Variants in TNNI3K observed in about 807,000 individuals in gnomAD.
TNNI3K encodes the protein serine/threonine-protein kinase TNNI3K.
A neutral mutation model predicts 114.5 loss-of-function variants in TNNI3K; 140 were observed. The observed-to-expected ratio is 1.22, with a 90% CI of 1.07 to 1.41. The LOEUF (loss-of-function observed/expected upper bound fraction) is 1.41. Among genes scored for constraint, TNNI3K ranks in the 40% most tolerant of loss-of-function variants. The pLI, the probability that TNNI3K is intolerant of heterozygous loss-of-function variation, is 0.00. For synonymous variants in TNNI3K, 347 were observed against 347.5 expected, an observed-to-expected ratio of 1.00 and a Z score of 0.02; for missense variants, 1,125 against 1,007.6, an observed-to-expected ratio of 1.12 and a Z score of -1.58.
chr1:74,249,618 G>A lies in TNNI3K; in HGVS notation c.235+74G>A, dbSNP rs940257015. 3 of 1,412,742 alleles carry A rather than the reference G, an allele frequency of 2.1e-6. No homozygotes were observed. In the African/African-American group the frequency reaches 4.3e-5, roughly 20 times the overall value. 87.5% of individuals were successfully genotyped at this position (1,412,742 alleles called of 1,614,324 possible). A position where few individuals can be genotyped will look rare whatever the true frequency, so the allele number is the denominator to read the frequency against. ...CGTCAGTGACTTGAGCTGCTTAATA[G>A]TCTGCAAAAGAATTCTATTCATACT... On this transcript the variant is annotated intron_variant, in intron 3 of 24. Coordinates refer to ENST00000326637, the MANE Select transcript of TNNI3K (RefSeq NM_015978.3).
At chr1:74,399,782 G>A (rs1664270213) in intron 17 of TNNI3K, among the ~76,000 whole-genome samples, 1 of 152,196 alleles carries the variant, frequency 6.6e-6, no homozygotes, top group African/African-American at 2.4e-5. Flanking sequence ...CCAAGAGTGA[G>A]AGGGTTCACA....
chr1:74,503,937 T>C (rs771707723), intron 23 of TNNI3K, among the ~76,000 whole-genome samples: 12 of 152,172 alleles, frequency 7.9e-5, no homozygotes, highest in Non-Finnish European at 1.5e-4. Flanking sequence ...CCATCTTATA[T>C]AGATGGGAAA....
intron 21 of TNNI3K, among the ~76,000 whole-genome samples, chr1:74,464,417 G>T (rs1034328079): frequency 2.2e-4 from 33 of 152,294 alleles, no homozygotes; most frequent in African/African-American, 7.7e-4. Flanking sequence ...CATATGTAAA[G>T]ACCTAATGGT....
chr1:74,478,084 G>T (rs1668293735), intron 21 of TNNI3K, among the ~76,000 whole-genome samples: 1 of 152,102 alleles, frequency 6.6e-6, no homozygotes, highest in African/African-American at 2.4e-5. Flanking sequence ...GAAGAAAATG[G>T]TCTCATAGGC....
chr1:74,473,985 AC>A (rs1668063268), intron 21 of TNNI3K, among the ~76,000 whole-genome samples: 1 of 152,104 alleles, frequency 6.6e-6, no homozygotes, highest in African/African-American at 2.4e-5. Flanking sequence ...AGCAGATGTG[AC>A]CTTGGCTGTT....
intron 17 of TNNI3K, among the ~76,000 whole-genome samples, chr1:74,391,880 G>A (rs1292850981): frequency 6.6e-6 from 1 of 151,302 alleles, no homozygotes. Context: ...TTATCACTAT[G>A]CTGAATGTAC....
chr1:74,387,661 C>A (rs563353538), intron 17 of TNNI3K, among the ~76,000 whole-genome samples: 1 of 152,164 alleles, frequency 6.6e-6, no homozygotes, highest in Non-Finnish European at 1.5e-5. Flanking sequence ...TAAAAGAGAA[C>A]CTGTAACCAA....
chr1:74,292,788 T>C (rs542867455), intron 5 of TNNI3K, among the ~76,000 whole-genome samples: 10 of 151,750 alleles, frequency 6.6e-5, no homozygotes, highest in Admixed American at 1.3e-4. Context: ...GTGTTAAAAA[T>C]TTTTCACCAT....
At chr1:74,418,156 C>A (rs1259686342) in intron 17 of TNNI3K, 2 of 452,136 alleles carry the variant, frequency 4.4e-6, no homozygotes, top group Non-Finnish European at 8.9e-6. Flanking sequence ...TCCTTTTCAC[C>A]CTCTCCTATA....
intron 5 of TNNI3K, among the ~76,000 whole-genome samples, chr1:74,283,811 A>G: frequency 6.6e-6 from 1 of 152,304 alleles, no homozygotes; most frequent in Middle Eastern, 3.4e-3. Flanking sequence ...ACATAGAAAT[A>G]TATACACATA....
At chr1:74,518,592 C>G (rs973422454) in intron 23 of TNNI3K, among the ~76,000 whole-genome samples, 6 of 152,258 alleles carry the variant, frequency 3.9e-5, no homozygotes, top group African/African-American at 1.4e-4. Flanking sequence ...GCTTATGGTT[C>G]CCGTGTTTCA....
chr1:74,462,715 T>C (rs972964865), intron 20 of TNNI3K, among the ~76,000 whole-genome samples: 1 of 152,152 alleles, frequency 6.6e-6, no homozygotes. Flanking sequence ...ATAGAAATCA[T>C]TAGTTGCAGA....
chr1:74,389,184 T>C (rs1417869474), intron 17 of TNNI3K, among the ~76,000 whole-genome samples: 1 of 152,106 alleles, frequency 6.6e-6, no homozygotes, highest in African/African-American at 2.4e-5. Context: ...GTAATGAGTG[T>C]TGGATCTGAG....
At chr1:74,239,248 G>A (rs1426393878) in intron 2 of TNNI3K, among the ~76,000 whole-genome samples, 1 of 152,036 alleles carries the variant, frequency 6.6e-6, no homozygotes, top group Admixed American at 6.6e-5. Context: ...TGCTTCCAGG[G>A]CAGAGTTCTA....
intron 23 of TNNI3K, among the ~76,000 whole-genome samples, chr1:74,518,778 A>G (rs1646385389): frequency 6.6e-6 from 1 of 152,090 alleles, no homozygotes; most frequent in African/African-American, 2.4e-5. Flanking sequence ...TTTTTAAAAC[A>G]ACATTTACAA....
chr1:74,475,486 C>T (rs1207322114), intron 21 of TNNI3K: 1 of 716,836 alleles, frequency 1.4e-6, no homozygotes, highest in Non-Finnish European at 2.6e-6. Context: ...TAAAGTGCTG[C>T]CTACCCCACG....
chr1:74,450,394 A>T (rs1666932514), intron 20 of TNNI3K, among the ~76,000 whole-genome samples: 1 of 152,180 alleles, frequency 6.6e-6, no homozygotes, highest in East Asian at 1.9e-4. Flanking sequence ...AAGGCAAGAA[A>T]TAACTAAAAT....
At chr1:74,282,458 G>A (rs1441866826) in intron 5 of TNNI3K, among the ~76,000 whole-genome samples, 1 of 151,784 alleles carries the variant, frequency 6.6e-6, no homozygotes, top group Non-Finnish European at 1.5e-5. Flanking sequence ...GCACATGCCT[G>A]GCAGCTTGGT....
At chr1:74,265,720 A>G (rs2100880950) in intron 4 of TNNI3K, among the ~76,000 whole-genome samples, 1 of 152,172 alleles carries the variant, frequency 6.6e-6, no homozygotes, top group African/African-American at 2.4e-5. Flanking sequence ...CCTCACAACA[A>G]TGCTATGAGA....
Sources: allele counts gnomAD v4.1 joint callset (sites outside exome capture counted in the v4.1 genomes callset), GRCh38; gene constraint gnomAD v4.1.1; transcripts MANE v1.5; gene names NCBI Gene and HGNC (gene_info 2026-07-23, HGNC 2026-07-21).